Variants in PCDHGB1 observed in about 807,000 individuals in gnomAD.
PCDHGB1 encodes the protein protocadherin gamma subfamily B, 1.
PCDHGB1 carries 34 observed loss-of-function variants against 56.6 expected under a neutral mutation model. The observed-to-expected ratio is 0.60, with a 90% CI of 0.46 to 0.80. PCDHGB1 has a LOEUF of 0.80. Ranked by LOEUF, PCDHGB1 falls within the 30% of genes least tolerant of loss-of-function variation. PCDHGB1 has a pLI of 0.00. For synonymous variants in PCDHGB1, 561 were observed against 505.9 expected (o/e 1.11, Z -1.46); for missense variants, 1,278 against 1,204.6 (o/e 1.06, Z -0.90).
At chr5:141,355,018 A>T in intron 1 of PCDHGB1, 1 of 878,880 alleles carries the variant, frequency 1.1e-6, no homozygotes, top group Non-Finnish European at 1.6e-6. Flanking sequence ...CAGAAATTTA[A>T]TCAGAATCAC....
Position 141,385,517 on chromosome 5 carries a change from T to G in PCDHGB1, c.2409+32848T>G, listed in dbSNP as rs887255170. 4.4e-6 allele frequency: 6 copies of G among 1,367,514 alleles called. No individual in the cohort carries two copies. In the Admixed American group the frequency reaches 2.0e-4, roughly 47 times the overall value. The allele number at this position is 1,367,514 out of a possible 1,614,324, so 84.7% of individuals were successfully genotyped here. A position where few individuals can be genotyped will look rare whatever the true frequency, so the allele number is the denominator to read the frequency against. The stretch of plus-strand genomic sequence containing the variant: ...ATATAGTATTTCTTTAGTGAAAGCC[T>G]ATGGACAAGATTATGAATATGTGGA... On this transcript the variant is annotated intron_variant, in intron 1 of 3. Transcript: ENST00000523390.
chr5:141,355,007 C>T, intron 1 of PCDHGB1: 1 of 791,276 alleles, frequency 1.3e-6, no homozygotes, highest in Non-Finnish European at 1.8e-6. Flanking sequence ...AAAAGACAAA[C>T]CAGAAATTTA....
rs1390674555 is a variant in PCDHGB1 at position 141,352,570 on chromosome 5, G to A, written c.2310G>A (p.Met770Ile). The stretch of plus-strand genomic sequence containing the variant: ...ATTCTCTCAACCTGACACCGGAAAT[G>A]GCTCCCCCTCAGGATCTGCTGTGTG... ...EFNSLNLTPE[M>I]APPQDLLCDD... The change falls in exon 1 of 4, where the codon ATG becomes ATA. Residue 770 changes from methionine to isoleucine, a missense_variant. Met to Ile is a conservative substitution (Grantham distance 10). Coordinates refer to ENST00000523390, the MANE Select transcript of PCDHGB1 (RefSeq NM_018922.3). The A allele has an allele frequency of 1.9e-6, 3 of 1,613,938 alleles. No homozygotes were observed. Among genetic ancestry groups the A allele is most frequent in the East Asian group, 2.2e-5 (1 of 44,890 alleles).
rs758578821 is a variant in PCDHGB1 at position 141,486,659 on chromosome 5, G to C, written c.2410-8148G>C. The C allele has an allele frequency of 6.8e-6, 11 of 1,613,944 alleles. No individual in the cohort carries two copies. The highest frequency in any genetic ancestry group is 8.5e-6 in the Non-Finnish European group (10 of 1,180,026). On this transcript the variant is annotated intron_variant, in intron 1 of 3. Coordinates refer to ENST00000523390, the MANE Select transcript of PCDHGB1 (RefSeq NM_018922.3). The surrounding 1 kb of genome is among the most constrained non-coding windows in gnomAD (Gnocchi z 5.0). ...TGCGCTTATCTCCTACTCACTCCTGGAGCCCAGGAATCGAGATGTATCAGC... is the reference window on the plus strand; with the variant it reads ...TGCGCTTATCTCCTACTCACTCCTGCAGCCCAGGAATCGAGATGTATCAGC...
rs528806463 is a variant in PCDHGB1 at position 141,356,170 on chromosome 5, G to A, written c.2409+3501G>A. The A allele has an allele frequency of 6.8e-6, 11 of 1,612,922 alleles. No homozygotes were observed. The highest frequency in any genetic ancestry group is 8.5e-6 in the Non-Finnish European group (10 of 1,179,376). ...TGACATAGATGTAGAAGCCCATGAT[G>A]GGCCTGGTCTCCGAGCTAGAAGCAA... On this transcript the variant is annotated intron_variant, in intron 1 of 3. Transcript: ENST00000523390.
chr5:141,497,832 G>C (rs1326640712), intron 2 of PCDHGB1, among the ~76,000 whole-genome samples: 1 of 151,992 alleles, frequency 6.6e-6, no homozygotes, highest in East Asian at 1.9e-4. Context: ...GATCGCCCCC[G>C]GCCACAACAA....
At chr5:141,374,089 G>A in intron 1 of PCDHGB1, 1 of 1,532,432 alleles carries the variant, frequency 6.5e-7, no homozygotes, top group Non-Finnish European at 8.8e-7. Flanking sequence ...CAGTAATGGC[G>A]CCTCCGCAGA....
rs1212248484 is a variant in PCDHGB1 at position 141,393,163 on chromosome 5, T to C, written c.2409+40494T>C. ...CTGGTTGAGGATAAAGGAAAACTCT[T>C]TGGGGTAGAAATAGAAATAATTGAT... On this transcript the variant is annotated intron_variant, in intron 1 of 3. Transcript: ENST00000523390. 1.9e-6 allele frequency: 3 copies of C among 1,613,134 alleles called. No homozygotes were observed. In the Admixed American group the frequency reaches 5.0e-5, roughly 27 times the overall value.
At chr5:141,415,688 T>C (rs373105795) in intron 1 of PCDHGB1, 1 of 1,546,006 alleles carries the variant, frequency 6.5e-7, no homozygotes, top group Admixed American at 2.0e-5. Context: ...GGCATGATGG[T>C]GGAAAGTGTA....
At chr5:141,401,417 G>A (rs1404967672) in intron 1 of PCDHGB1, among the ~76,000 whole-genome samples, 1 of 152,136 alleles carries the variant, frequency 6.6e-6, no homozygotes, top group Non-Finnish European at 1.5e-5. Flanking sequence ...GAAAGAGAGA[G>A]ACTGATTCAC....
chr5:141,419,375 T>G (rs755252910), intron 1 of PCDHGB1: 1 of 1,613,728 alleles, frequency 6.2e-7, no homozygotes, highest in Admixed American at 1.7e-5. Context: ...GTCCTACGTG[T>G]CCGTGAGCGC....
At chr5:141,360,664 T>C (rs1192992193) in intron 1 of PCDHGB1, 1 of 1,613,936 alleles carries the variant, frequency 6.2e-7, no homozygotes. Flanking sequence ...TGACAACGAG[T>C]ACTTTGATCT....
chr5:141,375,065 C>T (rs1366674805), intron 1 of PCDHGB1: 36 of 1,613,814 alleles, frequency 2.2e-5, no homozygotes, highest in Middle Eastern at 1.6e-4. Context: ...GCCAGGTCTT[C>T]GAGACAGAGC....
intron 1 of PCDHGB1, chr5:141,409,877 G>A: frequency 6.2e-7 from 1 of 1,612,860 alleles, no homozygotes; most frequent in Non-Finnish European, 8.5e-7. Context: ...CAATGACAAC[G>A]CACCGCGGGT....
chr5:141,379,805 G>T (rs183993206), intron 1 of PCDHGB1, among the ~76,000 whole-genome samples: 71 of 149,374 alleles, frequency 4.8e-4, no homozygotes, highest in African/African-American at 1.7e-3. Flanking sequence ...GAGGTTTTGA[G>T]AGTTCAGTAT....
chr5:141,487,452 T>A lies in PCDHGB1; in HGVS notation c.2410-7355T>A, dbSNP rs778695562. 40 of 1,614,046 alleles carry A rather than the reference T, an allele frequency of 2.5e-5. No homozygotes were observed. The highest frequency in any genetic ancestry group is 3.4e-5 in the Non-Finnish European group (40 of 1,180,004). On this transcript the variant is annotated intron_variant, in intron 1 of 3. Coordinates refer to ENST00000523390, the MANE Select transcript of PCDHGB1 (RefSeq NM_018922.3). This position sits in a 1 kb window ranked among gnomAD's most constrained non-coding sequence, Gnocchi z 5.0. ...ATCCAGCTAGGGTCAGATGACCCTA[T>A]CAAGTTTGTTGATGTGGGAGGCCAC... is the stretch of plus-strand genomic sequence containing the variant.
At chr5:141,483,100 G>A (rs1051736065) in intron 1 of PCDHGB1, among the ~76,000 whole-genome samples, 11 of 152,078 alleles carry the variant, frequency 7.2e-5, no homozygotes, top group South Asian at 2.1e-4. Flanking sequence ...AAAAGTGTGC[G>A]TGTAAAACAG....
intron 1 of PCDHGB1, chr5:141,360,778 G>A: frequency 6.2e-7 from 1 of 1,613,918 alleles, no homozygotes; most frequent in African/African-American, 1.3e-5. Flanking sequence ...CCTCACAGCT[G>A]TGGATGGCGG....
chr5:141,487,429 C>A lies in PCDHGB1; in HGVS notation c.2410-7378C>A. 1 of 1,614,162 alleles carries A rather than the reference C, an allele frequency of 6.2e-7. No individual in the cohort carries two copies. Among genetic ancestry groups the A allele is most frequent in the Non-Finnish European group, 8.5e-7 (1 of 1,180,018 alleles). On this transcript the variant is annotated intron_variant, in intron 1 of 3. Transcript: ENST00000523390. The surrounding 1 kb of genome is among the most constrained non-coding windows in gnomAD (Gnocchi z 5.0). ...CCCCTTCCAATGGGATCCTCCGAAT[C>A]CAGCTAGGGTCAGATGACCCTATCA...
Sources: allele counts gnomAD v4.1 joint callset (sites outside exome capture counted in the v4.1 genomes callset), GRCh38; gene constraint gnomAD v4.1.1; non-coding constraint Gnocchi (gnomAD v3.1); transcripts MANE v1.5; gene names NCBI Gene and HGNC (gene_info 2026-07-23, HGNC 2026-07-21).